Variants in TAFA2 observed in about 807,000 individuals in gnomAD.
TAFA2 encodes chemokine-like protein TAFA-2.
A neutral mutation model predicts 18.8 loss-of-function variants in TAFA2; 7 were observed. That is an observed-to-expected ratio of 0.37 (90% CI 0.21 to 0.70). The LOEUF (loss-of-function observed/expected upper bound fraction) is 0.70. Among genes scored for constraint, TAFA2 ranks in the 30% least tolerant of loss-of-function variants. The pLI, the probability that TAFA2 is intolerant of heterozygous loss-of-function variation, is 0.53. For synonymous variants in TAFA2, 60 were observed against 54.2 expected, an observed-to-expected ratio of 1.11 and a Z score of -0.47; for missense variants, 122 against 158.1, an observed-to-expected ratio of 0.77 and a Z score of 1.23.
intron 1 of TAFA2, among the ~76,000 whole-genome samples, chr12:61,950,615 C>G (rs910226419): frequency 6.6e-6 from 1 of 151,898 alleles, no homozygotes; most frequent in African/African-American, 2.4e-5. Context: ...GTTATTTGAT[C>G]TTTTGTTGTT....
chr12:62,040,045 C>T (rs1881716920), intron 1 of TAFA2, among the ~76,000 whole-genome samples: 1 of 152,108 alleles, frequency 6.6e-6, no homozygotes, highest in African/African-American at 2.4e-5. Flanking sequence ...TGGGAGAACA[C>T]ACTGGGGGAT....
At chr12:62,008,832 C>T (rs1218956672) in intron 1 of TAFA2, among the ~76,000 whole-genome samples, 2 of 152,128 alleles carry the variant, frequency 1.3e-5, no homozygotes, top group African/African-American at 2.4e-5. Flanking sequence ...TTTTAGGCCC[C>T]TTATTGCACA....
chr12:61,781,566 G>A (rs569627515), intron 2 of TAFA2, among the ~76,000 whole-genome samples: 12 of 151,568 alleles, frequency 7.9e-5, no homozygotes, highest in African/African-American at 2.9e-4. Flanking sequence ...TCTATAATGT[G>A]CATCAAATTA....
chr12:61,805,875 A>G (rs1871589750), intron 2 of TAFA2, among the ~76,000 whole-genome samples: 1 of 152,204 alleles, frequency 6.6e-6, no homozygotes, highest in African/African-American at 2.4e-5. Context: ...TCTTGATGAA[A>G]TTAACAAATT....
intron 1 of TAFA2, among the ~76,000 whole-genome samples, chr12:61,887,510 T>G (rs927805398): frequency 2.6e-5 from 4 of 151,498 alleles, no homozygotes; most frequent in Non-Finnish European, 5.9e-5. Flanking sequence ...CGTATACATG[T>G]GCCATGCTGG....
At chr12:62,099,603 A>T (rs1869100598) in intron 1 of TAFA2, among the ~76,000 whole-genome samples, 2 of 152,194 alleles carry the variant, frequency 1.3e-5, no homozygotes, top group South Asian at 4.1e-4. Context: ...AGTCGGAGAA[A>T]TAGCAATGCA....
chr12:62,112,411 C>T (rs1056870459), intron 1 of TAFA2, among the ~76,000 whole-genome samples: 1 of 152,098 alleles, frequency 6.6e-6, no homozygotes, highest in African/African-American at 2.4e-5. Flanking sequence ...TCTCTGGCTG[C>T]CCTTAACATT....
At chr12:61,799,166 T>C (rs779686293) in intron 2 of TAFA2, among the ~76,000 whole-genome samples, 1 of 152,252 alleles carries the variant, frequency 6.6e-6, no homozygotes, top group Non-Finnish European at 1.5e-5. Flanking sequence ...TAATAACATG[T>C]GGATGAAGAA....
intron 1 of TAFA2, among the ~76,000 whole-genome samples, chr12:62,047,438 T>A (rs1881939392): frequency 6.6e-6 from 1 of 152,188 alleles, no homozygotes; most frequent in African/African-American, 2.4e-5. Context: ...GATAAAGCTC[T>A]ATATAATATA....
chr12:62,051,077 G>A (rs1345785888), intron 1 of TAFA2, among the ~76,000 whole-genome samples: 1 of 152,156 alleles, frequency 6.6e-6, no homozygotes. Flanking sequence ...AGCATCCTTA[G>A]TGTTGCTAAA....
intron 1 of TAFA2, among the ~76,000 whole-genome samples, chr12:62,002,446 G>A (rs543375898): frequency 6.6e-6 from 1 of 152,250 alleles, no homozygotes. Context: ...CTAGCTACAA[G>A]TGAGGTGCAC....
At chr12:61,802,023 A>G (rs904480610) in intron 2 of TAFA2, among the ~76,000 whole-genome samples, 1 of 152,138 alleles carries the variant, frequency 6.6e-6, no homozygotes, top group Non-Finnish European at 1.5e-5. Context: ...GCTCAATATC[A>G]TTAATCATCA....
chr12:61,730,214 T>C (rs1870374554), intron 4 of TAFA2, among the ~76,000 whole-genome samples: 1 of 152,126 alleles, frequency 6.6e-6, no homozygotes, highest in Non-Finnish European at 1.5e-5. Context: ...ATGCTAGCAG[T>C]GAAGCTGTCA....
chr12:62,258,122 C>T (rs1187391923), intron 1 of TAFA2: 3 of 152,124 alleles, frequency 2.0e-5, no homozygotes, highest in Non-Finnish European at 4.4e-5. Flanking sequence ...AATAATAGTA[C>T]CAAAATCATG....
chr12:61,775,782 T>C (rs1346108380), intron 2 of TAFA2: 3 of 157,780 alleles, frequency 1.9e-5, no homozygotes, highest in African/African-American at 4.8e-5. Flanking sequence ...AGCTATTAAA[T>C]TGGGGTGACG....
At chr12:62,010,081 T>A (rs1040692511) in intron 1 of TAFA2, among the ~76,000 whole-genome samples, 18 of 152,112 alleles carry the variant, frequency 1.2e-4, no homozygotes, top group Non-Finnish European at 5.9e-5. Context: ...GTACTATAGG[T>A]TTACTTTTCC....
chr12:61,728,043 T>C (rs1291706106), intron 4 of TAFA2, among the ~76,000 whole-genome samples: 1 of 151,080 alleles, frequency 6.6e-6, no homozygotes, highest in Non-Finnish European at 1.5e-5. Flanking sequence ...TTTTTTTTTT[T>C]TTTTTCAGTC....
In TAFA2 at chr12:62,065,006, T is replaced by C. The variant is rs1592314335; in HGVS notation, c.-2+126253A>G. Among the ~76,000 whole-genome samples the C allele has an allele frequency of 2.0e-5, 3 of 152,164 alleles. No homozygotes were observed. The South Asian group carries it at 6.2e-4, about 32-fold the overall frequency. Reference sequence around the variant, plus strand: ...TTTTAACTGACAATATGAAGTCTTGTGCATATACTATTGAATGCTACATAT... The same window carrying C: ...TTTTAACTGACAATATGAAGTCTTGCGCATATACTATTGAATGCTACATAT... On this transcript the variant is annotated intron_variant, in intron 1 of 4. Coordinates refer to ENST00000416284, the MANE Select transcript of TAFA2 (RefSeq NM_178539.5).
chr12:62,111,191 T>A (rs1364932872), intron 1 of TAFA2, among the ~76,000 whole-genome samples: 15 of 152,254 alleles, frequency 9.9e-5, no homozygotes, highest in Non-Finnish European at 1.0e-4. Context: ...ATTGTGTCTT[T>A]GTTCTCATTG....
Sources: gnomAD v4.1 joint callset for allele counts (sites outside exome capture counted in the v4.1 genomes callset) on GRCh38, gnomAD v4.1.1 for gene constraint, MANE v1.5 for transcripts, NCBI Gene and HGNC (gene_info 2026-07-23, HGNC 2026-07-21) for gene names.